The following CCT8 variants were observed in gnomAD, a reference collection of about 807,000 sequenced individuals.
CCT8 encodes the protein T-complex protein 1 subunit theta.
A neutral mutation model predicts 65.7 loss-of-function variants in CCT8; 10 were observed. The observed-to-expected ratio is 0.15, with a 90% CI of 0.09 to 0.26. The LOEUF (loss-of-function observed/expected upper bound fraction) is 0.26. Among genes scored for constraint, CCT8 ranks in the 10% least tolerant of loss-of-function variants. The pLI is 1.00. For synonymous variants in CCT8, 199 were observed against 221.8 expected (o/e 0.90, Z 0.92); for missense variants, 568 against 669.1 (o/e 0.85, Z 1.67).
chr21:29,063,870 G>A (rs930547397), intron 7 of CCT8, among the ~76,000 whole-genome samples: 6 of 152,080 alleles, frequency 3.9e-5, no homozygotes, highest in South Asian at 4.1e-4. Context: ...TGGTTCAAGC[G>A]ATTCTCCTGC....
At chr21:29,062,727 T>A in intron 8 of CCT8, 171 bp from the exon 9 acceptor site, 1 of 617,954 alleles carries the variant, frequency 1.6e-6, no homozygotes, top group Non-Finnish European at 2.8e-6. Flanking sequence ...AGGAAGCTGA[T>A]TCCTGACTCT....
chr21:29,062,670 T>C (rs2085577378), intron 8 of CCT8, 114 bp from the exon 9 acceptor site: 2 of 793,834 alleles, frequency 2.5e-6, no homozygotes, highest in Admixed American at 5.0e-5. Flanking sequence ...CCTTTGACAA[T>C]GGATTTTAAC....
In CCT8 at chr21:29,066,975, C is replaced by T; in HGVS notation, c.478G>A (p.Val160Ile). ...ATGGAGGTACGAAGTAGAGATGAGA[C>T]TTCATCAATATCTCGAAGGTTTTTT... ...SAKNLRDIDEVSSLLRTSIMS... is the reference protein window; with the variant it reads ...SAKNLRDIDEISSLLRTSIMS... Residue 160 changes from valine (V) to isoleucine (I), a missense_variant, in exon 5 of 15, where the codon GTC (valine) becomes ATC (isoleucine). Coordinates refer to ENST00000286788, the MANE Select transcript of CCT8 (RefSeq NM_006585.4). 6.2e-7 allele frequency: 1 copy of T among 1,613,496 alleles called. No homozygotes were observed. Among genetic ancestry groups the T allele is most frequent in the African/African-American group, 1.3e-5 (1 of 75,012 alleles).
chr21:29,061,769 A>C (rs2085567044), intron 11 of CCT8, among the ~76,000 whole-genome samples: 1 of 152,244 alleles, frequency 6.6e-6, no homozygotes, highest in African/African-American at 2.4e-5. Flanking sequence ...TGTCTGGTGT[A>C]TGAAAAGGAC....
chr21:29,072,459 G>GA (rs897445968), intron 1 of CCT8, among the ~76,000 whole-genome samples: 7 of 152,018 alleles, frequency 4.6e-5, no homozygotes, highest in Non-Finnish European at 8.8e-5. Context: ...CTGTATTAGT[G>GA]AAAAAAACCC....
intron 1 of CCT8, chr21:29,073,160 T>C: frequency 1.6e-6 from 1 of 618,172 alleles, no homozygotes; most frequent in African/African-American, 2.0e-5. Flanking sequence ...GACGTCGCAG[T>C]TCTCAAGACA....
chr21:29,062,511 A>G lies in CCT8; in HGVS notation c.987T>C (p.Gly329=). Residue 329 remains glycine, a synonymous_variant, in exon 9 of 15, where the codon GGT becomes GGC. Coordinates refer to ENST00000286788, the MANE Select transcript of CCT8 (RefSeq NM_006585.4). ...WDLRRLCKTV[G]ATALPRLTPP... is the part of the protein sequence containing the mutation. Reference sequence around the variant, plus strand: ...ATACCAATCTAGGAAGAGCTGTAGCACCAACAGTTTTACAAAGTCTTCGGA... The same window carrying G: ...ATACCAATCTAGGAAGAGCTGTAGCGCCAACAGTTTTACAAAGTCTTCGGA... The G allele has an allele frequency of 6.2e-7, 1 of 1,614,012 alleles. No homozygotes were observed. Among genetic ancestry groups the G allele is most frequent in the African/African-American group, 1.3e-5 (1 of 75,064 alleles).
rs201031013 is a variant in CCT8 at position 29,066,772 on chromosome 21, T to C, written c.568A>G (p.Ile190Val). 3.0e-5 allele frequency: 48 copies of C among 1,605,286 alleles called. No homozygotes were observed. The highest frequency in any genetic ancestry group is 1.7e-4 in the Middle Eastern group (1 of 6,030). Residue 190 changes from isoleucine (I) to valine (V), a missense_variant, in exon 6 of 15, where the codon ATT (isoleucine) becomes GTT (valine). Coordinates refer to ENST00000286788, the MANE Select transcript of CCT8 (RefSeq NM_006585.4). ...AKLIAQACVS[I>V]FPDSGHFNVD... is the part of the protein sequence containing the mutation. ...TTGAAATGGCCGGAATCAGGAAAAA[T>C]AGATACTGTTAAGAAAATGAGACAT...
intron 2 of CCT8, 115 bp downstream of exon 2, chr21:29,070,132 G>A (rs1259312334): frequency 5.6e-6 from 3 of 539,802 alleles, no homozygotes; most frequent in Non-Finnish European, 9.5e-6. Flanking sequence ...CTATCATTGA[G>A]CTATCAAATT....
intron 5 of CCT8, 34 bp from the exon 6 acceptor site, chr21:29,066,811 T>C (rs2085628219): frequency 1.9e-6 from 3 of 1,585,756 alleles, no homozygotes; most frequent in Non-Finnish European, 2.6e-6. Context: ...AAAAGATTAT[T>C]TTGGGACAAC....
chr21:29,071,856 G>A (rs2085683701), intron 1 of CCT8: 1 of 683,884 alleles, frequency 1.5e-6, no homozygotes, highest in Non-Finnish European at 2.6e-6. Context: ...CCCTTCAATG[G>A]TTTCCCAACC....
chr21:29,066,081 C>CAA (rs10597265), intron 6 of CCT8, among the ~76,000 whole-genome samples: 59 of 102,684 alleles, frequency 5.7e-4, no homozygotes, highest in Non-Finnish European at 1.1e-3. Flanking sequence ...GACTCCATCT[C>CAA]AAAAAAAAAA....
chr21:29,069,997 T>C (rs2085663862), intron 2 of CCT8, among the ~76,000 whole-genome samples: 1 of 152,196 alleles, frequency 6.6e-6, no homozygotes, highest in African/African-American at 2.4e-5. Flanking sequence ...GGTACTATCT[T>C]ACTAGTCAAA....
At chr21:29,056,574 A>C (rs1476791372) in intron 14 of CCT8, 22 bp from the exon 15 acceptor site, 2 of 1,464,074 alleles carry the variant, frequency 1.4e-6, no homozygotes, top group African/African-American at 1.4e-5. Flanking sequence ...AGAATCACAC[A>C]AGAGTATGCT....
intron 11 of CCT8, among the ~76,000 whole-genome samples, 169 bp downstream of exon 11, chr21:29,061,959 C>G (rs552855250): frequency 6.6e-6 from 1 of 152,286 alleles, no homozygotes; most frequent in South Asian, 2.1e-4. Context: ...ATCATATTCA[C>G]TAACAATGGA....
intron 7 of CCT8, among the ~76,000 whole-genome samples, chr21:29,064,432 AAAAAG>A (rs2085598539): frequency 6.7e-6 from 1 of 150,178 alleles, no homozygotes; most frequent in South Asian, 2.1e-4. Context: ...AAAAAAAAAA[AAAAAG>A]AATAAAATAC....
intron 7 of CCT8, among the ~76,000 whole-genome samples, chr21:29,064,293 T>A (rs564677292): frequency 6.6e-6 from 1 of 151,048 alleles, no homozygotes; most frequent in African/African-American, 2.4e-5. Context: ...TGGTGAAACT[T>A]TGTCTCTATT....
At chr21:29,057,770 TATGATATATATGAG>T (rs958529983) in intron 14 of CCT8, among the ~76,000 whole-genome samples, 48 of 114,408 alleles carry the variant, frequency 4.2e-4, no homozygotes, top group African/African-American at 1.3e-3. Flanking sequence ...ATGAGATATA[TATGATATATATGAG>T]ATATGTATGA....
At chr21:29,066,277 C>A (rs912399905) in intron 6 of CCT8, among the ~76,000 whole-genome samples, 1 of 151,906 alleles carries the variant, frequency 6.6e-6, no homozygotes, top group Non-Finnish European at 1.5e-5. Flanking sequence ...CGGTGGTTCA[C>A]GCCTGTTAAT....
Sources: gnomAD v4.1 joint callset for allele counts (sites outside exome capture counted in the v4.1 genomes callset) on GRCh38, gnomAD v4.1.1 for gene constraint, MANE v1.5 for transcripts, NCBI Gene and HGNC (gene_info 2026-07-23, HGNC 2026-07-21) for gene names.